Variants in SMYD3 observed in about 807,000 individuals in gnomAD.
SMYD3 encodes SET and MYND domain containing 3.
SMYD3 carries 36 observed loss-of-function variants against 57.7 expected under a neutral mutation model. The observed-to-expected ratio is 0.62, with a 90% confidence interval of 0.48 to 0.82. The LOEUF (loss-of-function observed/expected upper bound fraction) is 0.82. Among genes scored for constraint, SMYD3 ranks in the 40% least tolerant of loss-of-function variants. SMYD3 has a pLI of 0.00. For synonymous variants in SMYD3, 211 were observed against 195.0 expected, an observed-to-expected ratio of 1.08 and a Z score of -0.68; for missense variants, 515 against 538.8, an observed-to-expected ratio of 0.96 and a Z score of 0.44.
intron 5 of SMYD3, among the ~76,000 whole-genome samples, chr1:246,116,455 G>C (rs1027607470): frequency 1.3e-5 from 2 of 152,122 alleles, no homozygotes; most frequent in African/African-American, 4.8e-5. Flanking sequence ...ATCTTCACTG[G>C]CTCTCCTGCA....
intron 10 of SMYD3, among the ~76,000 whole-genome samples, chr1:245,794,581 C>CT (rs749166882): frequency 1.3e-5 from 2 of 152,344 alleles, no homozygotes; most frequent in Middle Eastern, 3.4e-3. Context: ...TTTAAAAACT[C>CT]TGTCAAATTG....
intron 5 of SMYD3, among the ~76,000 whole-genome samples, chr1:246,064,831 T>A (rs1334734549): frequency 6.6e-6 from 1 of 152,280 alleles, no homozygotes; most frequent in Admixed American, 6.5e-5. Context: ...GCATCGTTCA[T>A]GTTATCCTCT....
At chr1:246,328,595 A>T (rs1204514171) in intron 4 of SMYD3, among the ~76,000 whole-genome samples, 1 of 151,828 alleles carries the variant, frequency 6.6e-6, no homozygotes, top group Non-Finnish European at 1.5e-5. Context: ...TACTTATTCA[A>T]CAGAATAACC....
At chr1:246,146,417 T>C (rs552734202) in intron 5 of SMYD3, among the ~76,000 whole-genome samples, 1 of 152,240 alleles carries the variant, frequency 6.6e-6, no homozygotes, top group Non-Finnish European at 1.5e-5. Flanking sequence ...CCTGCACATG[T>C]GAGTTAACGA....
chr1:245,968,185 G>A (rs904100272), intron 5 of SMYD3, among the ~76,000 whole-genome samples: 4 of 151,660 alleles, frequency 2.6e-5, no homozygotes, highest in Non-Finnish European at 4.4e-5. Context: ...TTAGACCACA[G>A]ATCTGAGCAC....
At chr1:246,429,031 G>C (rs1394648073) in intron 1 of SMYD3, among the ~76,000 whole-genome samples, 1 of 149,936 alleles carries the variant, frequency 6.7e-6, no homozygotes, top group Non-Finnish European at 1.5e-5. Flanking sequence ...AAAGCTCTGA[G>C]TCTCACTTTA....
intron 5 of SMYD3, among the ~76,000 whole-genome samples, chr1:246,230,468 G>A (rs923790026): frequency 2.6e-5 from 4 of 152,166 alleles, no homozygotes; most frequent in Non-Finnish European, 4.4e-5. Flanking sequence ...AGTTAGGCTA[G>A]AATGCTGTCC....
intron 5 of SMYD3, among the ~76,000 whole-genome samples, chr1:246,270,888 C>T (rs1034637720): frequency 9.9e-5 from 15 of 152,044 alleles, no homozygotes; most frequent in Non-Finnish European, 2.1e-4. Context: ...TTTGAGTTGC[C>T]GCCATACTGT....
intron 5 of SMYD3, among the ~76,000 whole-genome samples, chr1:246,150,953 T>C (rs964051089): frequency 6.6e-6 from 1 of 152,176 alleles, no homozygotes. Context: ...TTATTACTCA[T>C]AAAATATTCC....
chr1:245,774,727 T>G (rs1473227855), intron 10 of SMYD3, among the ~76,000 whole-genome samples: 2 of 147,688 alleles, frequency 1.4e-5, no homozygotes, highest in African/African-American at 2.6e-5. Context: ...TCCCTCTCTT[T>G]CCACGGTCTC....
At chr1:246,406,321 A>G (rs555878210) in intron 1 of SMYD3, among the ~76,000 whole-genome samples, 2 of 152,312 alleles carry the variant, frequency 1.3e-5, no homozygotes, top group South Asian at 4.2e-4. Flanking sequence ...GGCATAGAGT[A>G]AGAGCTCTAT....
intron 1 of SMYD3, among the ~76,000 whole-genome samples, chr1:246,427,807 CTG>C (rs1168796765): frequency 6.6e-6 from 1 of 152,018 alleles, no homozygotes; most frequent in East Asian, 1.9e-4. Flanking sequence ...TGAGCCATGA[CTG>C]TGTCACTGCA....
intron 8 of SMYD3, among the ~76,000 whole-genome samples, chr1:245,885,672 G>A (rs982812820): frequency 1.3e-5 from 2 of 152,054 alleles, no homozygotes; most frequent in African/African-American, 4.8e-5. Context: ...TCTATTAGAG[G>A]TTCTCTCTGT....
chr1:245,783,720 A>T (rs1373088014), intron 10 of SMYD3, among the ~76,000 whole-genome samples: 4 of 152,226 alleles, frequency 2.6e-5, no homozygotes, highest in Non-Finnish European at 5.9e-5. Context: ...AACCCACGTA[A>T]ATTAATTATA....
intron 5 of SMYD3, among the ~76,000 whole-genome samples, chr1:246,003,746 T>C (rs1446847979): frequency 6.6e-6 from 1 of 152,258 alleles, no homozygotes; most frequent in African/African-American, 2.4e-5. Context: ...TATTATAATA[T>C]GTAATATAAA....
At chr1:246,308,060 C>T (rs2065017085) in intron 5 of SMYD3, among the ~76,000 whole-genome samples, 1 of 152,156 alleles carries the variant, frequency 6.6e-6, no homozygotes, top group Non-Finnish European at 1.5e-5. Context: ...CTTAGGTCTC[C>T]GCATCACCAT....
intron 10 of SMYD3, among the ~76,000 whole-genome samples, chr1:245,835,452 G>A (rs918557702): frequency 6.6e-6 from 1 of 152,108 alleles, no homozygotes; most frequent in African/African-American, 2.4e-5. Context: ...CTGAGCTTCA[G>A]TTTTCTCATG....
intron 8 of SMYD3, among the ~76,000 whole-genome samples, chr1:245,878,999 G>A (rs897864747): frequency 6.6e-6 from 1 of 152,194 alleles, no homozygotes; most frequent in Non-Finnish European, 1.5e-5. Context: ...TGGCCTCCAG[G>A]AAGAGCAGTG....
chr1:245,900,483 G>A (rs2054112193), intron 8 of SMYD3, among the ~76,000 whole-genome samples: 1 of 152,126 alleles, frequency 6.6e-6, no homozygotes. Flanking sequence ...AGACTGTAAG[G>A]ACAAACCCAC....
Sources: gnomAD v4.1 joint callset for allele counts (sites outside exome capture counted in the v4.1 genomes callset) on GRCh38, gnomAD v4.1.1 for gene constraint, MANE v1.5 for transcripts, NCBI Gene and HGNC (gene_info 2026-07-23, HGNC 2026-07-21) for gene names.